Variants in MAP2 observed in about 807,000 individuals in gnomAD.
MAP2 encodes the protein microtubule-associated protein 2.
Under a neutral mutation model 137.6 loss-of-function variants are expected in MAP2, and 14 were observed. That is an observed-to-expected ratio of 0.10 (90% confidence interval 0.07 to 0.16). MAP2 has a LOEUF of 0.16. MAP2 is among the 10% of genes least tolerant of loss of function. MAP2 has a pLI of 1.00. For synonymous variants in MAP2, 786 were observed against 782.3 expected, an observed-to-expected ratio of 1.00 and a Z score of -0.08; for missense variants, 2,088 against 2,191.5, an observed-to-expected ratio of 0.95 and a Z score of 0.94.
chr2:209,692,602 A>T, intron 7 of MAP2, 23 bp from the exon 8 acceptor site: 4 of 1,530,836 alleles, frequency 2.6e-6, no homozygotes, highest in Non-Finnish European at 2.6e-6. Flanking sequence ...TTATTTGTTT[A>T]AAAATCAACC....
chr2:209,493,666 AC>A (rs1263542872), intron 1 of MAP2, among the ~76,000 whole-genome samples: 1 of 152,240 alleles, frequency 6.6e-6, no homozygotes, highest in African/African-American at 2.4e-5. Flanking sequence ...TATGTGGCCA[AC>A]AAACATATGA....
chr2:209,621,555 G>A (rs1363097775), intron 3 of MAP2, among the ~76,000 whole-genome samples: 4 of 151,952 alleles, frequency 2.6e-5, no homozygotes, highest in African/African-American at 7.2e-5. Flanking sequence ...CACCACGCCC[G>A]ACTGATGTTT....
intron 13 of MAP2, among the ~76,000 whole-genome samples, chr2:209,720,956 T>A (rs928517457): frequency 1.3e-5 from 2 of 151,872 alleles, no homozygotes; most frequent in Admixed American, 6.6e-5. Context: ...TTTTTTTTTT[T>A]AAACTGATCT....
intron 2 of MAP2, among the ~76,000 whole-genome samples, chr2:209,534,269 G>T (rs575690208): frequency 1.1e-4 from 17 of 152,138 alleles, no homozygotes; most frequent in Non-Finnish European, 2.4e-4. Context: ...GTTACTGTTG[G>T]GATATCCATT....
At chr2:209,521,416 AC>A (rs2063266958) in intron 2 of MAP2, among the ~76,000 whole-genome samples, 2 of 148,456 alleles carry the variant, frequency 1.3e-5, no homozygotes, top group African/African-American at 5.0e-5. Context: ...TTCCTCCCCC[AC>A]CCCCTCTTTT....
intron 2 of MAP2, among the ~76,000 whole-genome samples, chr2:209,559,018 C>T (rs1578205866): frequency 6.6e-6 from 1 of 151,946 alleles, no homozygotes; most frequent in Non-Finnish European, 1.5e-5. Context: ...ATCCTGTTTC[C>T]CCACATTCTT....
At chr2:209,493,977 T>G (rs189806762) in intron 1 of MAP2, among the ~76,000 whole-genome samples, 71 of 152,326 alleles carry the variant, frequency 4.7e-4, no homozygotes, top group African/African-American at 1.7e-3. Context: ...TAAAGACACA[T>G]GCACTTGTAT....
intron 3 of MAP2, among the ~76,000 whole-genome samples, chr2:209,586,303 T>C (rs960203042): frequency 2.0e-5 from 3 of 152,072 alleles, no homozygotes; most frequent in Non-Finnish European, 4.4e-5. Flanking sequence ...GAAAATGTTC[T>C]AAAGGAAAGG....
intron 3 of MAP2, among the ~76,000 whole-genome samples, chr2:209,601,338 A>G (rs1380659168): frequency 2.0e-5 from 3 of 152,066 alleles, no homozygotes; most frequent in Admixed American, 1.3e-4. Context: ...TTTCATGAAG[A>G]AGTATCTCAT....
chr2:209,545,033 G>A (rs2067774086), intron 2 of MAP2, among the ~76,000 whole-genome samples: 1 of 151,994 alleles, frequency 6.6e-6, no homozygotes, highest in African/African-American at 2.4e-5. Context: ...ATTTTTGCCT[G>A]TTAGGAAAAA....
chr2:209,599,178 T>A (rs892967257), intron 3 of MAP2, among the ~76,000 whole-genome samples: 2 of 152,154 alleles, frequency 1.3e-5, no homozygotes, highest in Non-Finnish European at 1.5e-5. Context: ...TGGTTTTGAT[T>A]TGCATTTCTC....
At chr2:209,608,239 G>T (rs781728842) in intron 3 of MAP2, among the ~76,000 whole-genome samples, 20 of 151,530 alleles carry the variant, frequency 1.3e-4, no homozygotes, top group Non-Finnish European at 2.5e-4. Flanking sequence ...ATTAAATACT[G>T]TACACATATA....
chr2:209,593,941 ATT>A (rs1206554084), intron 3 of MAP2, among the ~76,000 whole-genome samples: 1 of 133,000 alleles, frequency 7.5e-6, no homozygotes, highest in African/African-American at 2.8e-5. Context: ...ATAAATATAT[ATT>A]TATATATATA....
In MAP2 at chr2:209,690,019, T is replaced by G. The variant is rs188304315; in HGVS notation, c.455-2606T>G. On this transcript the variant is annotated intron_variant, in intron 7 of 15. Transcript: ENST00000682079. ...ATATTTTAAGTAAATTTGGTGGACTTTGTGATAAAGCTGTTAAGGTAGTTG... is the reference window on the plus strand; with the variant it reads ...ATATTTTAAGTAAATTTGGTGGACTGTGTGATAAAGCTGTTAAGGTAGTTG... Among the ~76,000 whole-genome samples, 805 of 152,304 alleles carry G rather than the reference T, an allele frequency of 5.3e-3. 6 individuals are homozygous for G. The highest frequency in any genetic ancestry group is 0.035 in the South Asian group (168 of 4,824).
intron 1 of MAP2, among the ~76,000 whole-genome samples, chr2:209,489,343 G>T (rs576287237): frequency 6.6e-6 from 1 of 152,214 alleles, no homozygotes; most frequent in Admixed American, 6.5e-5. Flanking sequence ...AAACAACAGT[G>T]AAAAAAGGCT....
chr2:209,447,500 ACT>A (rs1387218702), intron 1 of MAP2, among the ~76,000 whole-genome samples: 1 of 151,700 alleles, frequency 6.6e-6, no homozygotes, highest in East Asian at 1.9e-4. Flanking sequence ...CTTGGTAGCA[ACT>A]CTCTCATTCA....
At chr2:209,471,593 G>A (rs991296078) in intron 1 of MAP2, among the ~76,000 whole-genome samples, 3 of 152,064 alleles carry the variant, frequency 2.0e-5, no homozygotes, top group African/African-American at 7.2e-5. Flanking sequence ...AGAACTGTGG[G>A]AACTTTTTAA....
chr2:209,704,719 TTACTC>T, intron 11 of MAP2: 3 of 1,180,470 alleles, frequency 2.5e-6, no homozygotes, highest in South Asian at 2.1e-5. Context: ...AGCAAATACT[TTACTC>T]TGAAGTGTTT....
At chr2:209,667,131 T>A (rs2046679852) in intron 5 of MAP2, among the ~76,000 whole-genome samples, 1 of 152,078 alleles carries the variant, frequency 6.6e-6, no homozygotes, top group South Asian at 2.1e-4. Flanking sequence ...AAAATTTCAG[T>A]AAGACACTTT....
Sources: allele counts gnomAD v4.1 joint callset (sites outside exome capture counted in the v4.1 genomes callset), GRCh38; gene constraint gnomAD v4.1.1; transcripts MANE v1.5; gene names NCBI Gene and HGNC (gene_info 2026-07-23, HGNC 2026-07-21).